ZCWPW2: variants seen among roughly 807,000 people sequenced by gnomAD.
The protein encoded by ZCWPW2 is zinc finger CW-type and PWWP domain containing 2, also known as zinc finger CW-type PWWP domain protein 2.
ZCWPW2 carries 45 observed loss-of-function variants against 46.6 expected under a neutral mutation model. That is an observed-to-expected ratio of 0.96 (90% CI 0.76 to 1.24). ZCWPW2 has a LOEUF of 1.24. Ranked by LOEUF, ZCWPW2 falls within the 50% of genes most tolerant of loss-of-function variation. ZCWPW2 has a pLI of 0.00. For synonymous variants in ZCWPW2, 152 were observed against 137.1 expected (o/e 1.11, Z -0.76); for missense variants, 429 against 403.9 (o/e 1.06, Z -0.53).
At chr3:28,449,809 G>T (rs1306309779) in intron 4 of ZCWPW2, among the ~76,000 whole-genome samples, 5 of 152,208 alleles carry the variant, frequency 3.3e-5, no homozygotes, top group African/African-American at 1.2e-4. Flanking sequence ...GCATGGTATA[G>T]AATTCTTCCC....
rs1272142215 is a variant in ZCWPW2, at chr3:28,525,627, A to G, written c.*939A>G. Among the ~76,000 whole-genome samples, 1 of 152,174 alleles carries G rather than the reference A, an allele frequency of 6.6e-6. No individual in the cohort carries two copies. The highest frequency in any genetic ancestry group is 1.9e-4 in the East Asian group (1 of 5,190). On this transcript the variant is annotated 3_prime_UTR_variant, in exon 10 of 10. Transcript: ENST00000383768. ...GGTGAATTTTATTGTGAGTTGCCTC[A>G]TATTGCTTTAACAAGGAGGCAGCAC...
intron 4 of ZCWPW2, among the ~76,000 whole-genome samples, chr3:28,454,013 T>C (rs2125782404): frequency 6.6e-6 from 1 of 151,436 alleles, no homozygotes; most frequent in South Asian, 2.1e-4. Context: ...CCCGGCTAAT[T>C]TTTTGTATTT....
intron 3 of ZCWPW2, among the ~76,000 whole-genome samples, chr3:28,421,012 G>GACTTTATA (rs1297752578): frequency 6.6e-6 from 1 of 151,992 alleles, no homozygotes; most frequent in Non-Finnish European, 1.5e-5. Context: ...TTATTTACTA[G>GACTTTATA]ACTTTATATT....
At chr3:28,376,481 T>TA (rs1482409539) in intron 1 of ZCWPW2, among the ~76,000 whole-genome samples, 9 of 152,134 alleles carry the variant, frequency 5.9e-5, no homozygotes, top group East Asian at 5.8e-4. Context: ...ACCACCAACT[T>TA]ACAGTACTAG....
intron 6 of ZCWPW2, among the ~76,000 whole-genome samples, chr3:28,501,721 A>G (rs1430987007): frequency 6.6e-6 from 1 of 152,082 alleles, no homozygotes; most frequent in Admixed American, 6.6e-5. Flanking sequence ...TCCATTTATT[A>G]CTTTAAATCA....
At chr3:28,492,355 A>G (rs1049514036) in intron 6 of ZCWPW2, among the ~76,000 whole-genome samples, 182 bp downstream of exon 6, 12 of 152,106 alleles carry the variant, frequency 7.9e-5, no homozygotes, top group African/African-American at 2.9e-4. Context: ...ATTTATGGTT[A>G]CTTATATTAA....
chr3:28,351,409 T>C (rs1704544987), intron 1 of ZCWPW2, among the ~76,000 whole-genome samples: 1 of 151,572 alleles, frequency 6.6e-6, no homozygotes, highest in African/African-American at 2.4e-5. Flanking sequence ...CTGAATTAGC[T>C]TGGACTTCAA....
At chr3:28,428,838 G>A (rs1321185309) in intron 3 of ZCWPW2, among the ~76,000 whole-genome samples, 2 of 152,132 alleles carry the variant, frequency 1.3e-5, no homozygotes, top group East Asian at 3.9e-4. Flanking sequence ...GCTGTCATGT[G>A]AAGAAGGATG....
At chr3:28,469,359 T>A (rs1157315954) in intron 4 of ZCWPW2, among the ~76,000 whole-genome samples, 1 of 152,046 alleles carries the variant, frequency 6.6e-6, no homozygotes, top group Non-Finnish European at 1.5e-5. Flanking sequence ...CAGGAGTAAG[T>A]CCTTTCTTAT....
At chr3:28,394,012 T>C (rs1303915577) in intron 2 of ZCWPW2, among the ~76,000 whole-genome samples, 1 of 152,148 alleles carries the variant, frequency 6.6e-6, no homozygotes, top group Non-Finnish European at 1.5e-5. Flanking sequence ...CCAGAGGACA[T>C]GACATTATGT....
chr3:28,365,062 A>G (rs1226504013), intron 1 of ZCWPW2, among the ~76,000 whole-genome samples: 2 of 151,518 alleles, frequency 1.3e-5, no homozygotes, highest in Non-Finnish European at 2.9e-5. Flanking sequence ...TTGTCAGATG[A>G]GTAGATTGCA....
Position 28,354,539 on chromosome 3 carries a change from A to C in ZCWPW2, c.-134+5336A>C, listed in dbSNP as rs1378194800. On this transcript the variant is annotated intron_variant, in intron 1 of 9. Coordinates refer to ENST00000383768, the MANE Select transcript of ZCWPW2 (RefSeq NM_001040432.4). ...TCATCCTGATACCAAAGTGTGGCAG[A>C]GACACAACAAAAAAAGAGAATTTTA... Among the ~76,000 whole-genome samples the C allele has an allele frequency of 1.5e-5, 2 of 134,066 alleles. 1 individual carries two copies. The highest frequency in any genetic ancestry group is 3.3e-5 in the Non-Finnish European group (2 of 61,384). 88.0% of individuals were successfully genotyped at this position (134,066 alleles called of 152,430 possible).
intron 4 of ZCWPW2, chr3:28,461,415 A>G (rs936302161): frequency 1.3e-5 from 2 of 152,170 alleles, no homozygotes; most frequent in Admixed American, 6.5e-5. Flanking sequence ...TAAATCAGTG[A>G]CCTATGAAAT....
intron 9 of ZCWPW2, among the ~76,000 whole-genome samples, chr3:28,524,235 A>G (rs974706997): frequency 3.3e-5 from 5 of 152,052 alleles, no homozygotes; most frequent in Admixed American, 1.3e-4. Context: ...TGTAAAAAAT[A>G]AAACAACATA....
At chr3:28,474,620 T>TGCGCGCGCGCGCGCGCGCGCACATGC (rs1553640372) in intron 4 of ZCWPW2, among the ~76,000 whole-genome samples, 1 of 121,630 alleles carries the variant, frequency 8.2e-6, no homozygotes, top group African/African-American at 2.8e-5. Flanking sequence ...TGTGTGTGTG[T>TGCGCGCGCGCGCGCGCGCGCACATGC]GCGCGCGCGC....
At chr3:28,501,251 G>A (rs1700134383) in intron 6 of ZCWPW2, among the ~76,000 whole-genome samples, 1 of 152,140 alleles carries the variant, frequency 6.6e-6, no homozygotes, top group South Asian at 2.1e-4. Context: ...AATGAGATTG[G>A]TTAACATCAG....
chr3:28,511,527 TA>T (rs1230509864), intron 6 of ZCWPW2, among the ~76,000 whole-genome samples: 4 of 152,120 alleles, frequency 2.6e-5, no homozygotes, highest in Non-Finnish European at 4.4e-5. Flanking sequence ...GAATTTTCTT[TA>T]AAAAAATACA....
intron 3 of ZCWPW2, among the ~76,000 whole-genome samples, chr3:28,421,691 C>T (rs1465117424): frequency 1.3e-5 from 2 of 151,906 alleles, no homozygotes; most frequent in East Asian, 3.9e-4. Flanking sequence ...GGATCCCTAG[C>T]CAGTCTATCG....
intron 1 of ZCWPW2, among the ~76,000 whole-genome samples, chr3:28,352,161 C>G (rs865810989): frequency 7.9e-4 from 116 of 147,706 alleles, no homozygotes; most frequent in African/African-American, 2.7e-3. Context: ...CACACACACA[C>G]ACACACGAGA....
Sources: allele counts gnomAD v4.1 joint callset (sites outside exome capture counted in the v4.1 genomes callset), GRCh38; gene constraint gnomAD v4.1.1; transcripts MANE v1.5; gene names NCBI Gene and HGNC (gene_info 2026-07-23, HGNC 2026-07-21).